Variants in RPL24 observed in about 807,000 individuals in gnomAD.
The protein encoded by RPL24 is ribosomal protein L24.
A neutral mutation model predicts 26.4 loss-of-function variants in RPL24; 7 were observed. That is an observed-to-expected ratio of 0.27 (90% CI 0.15 to 0.50). RPL24 has a LOEUF of 0.50. Among genes scored for constraint, RPL24 ranks in the 20% least tolerant of loss-of-function variants. RPL24 has a pLI of 0.98. For synonymous variants in RPL24, 67 were observed against 65.2 expected (o/e 1.03, Z -0.13); for missense variants, 109 against 194.9 (o/e 0.56, Z 2.62).
intron 3 of RPL24, among the ~76,000 whole-genome samples, chr3:101,684,890 T>TA (rs1937315986): frequency 6.6e-6 from 1 of 150,574 alleles, no homozygotes; most frequent in African/African-American, 2.4e-5. Flanking sequence ...TTTTTTTTTT[T>TA]AAAGGTCTCC....
intron 3 of RPL24, among the ~76,000 whole-genome samples, chr3:101,683,393 A>T (rs1937286192): frequency 6.6e-6 from 1 of 152,244 alleles, no homozygotes. Flanking sequence ...TGTTTATGAG[A>T]AAAAGATCTT....
intron 3 of RPL24, among the ~76,000 whole-genome samples, chr3:101,684,484 T>A (rs1937305105): frequency 1.3e-5 from 2 of 152,144 alleles, no homozygotes; most frequent in Non-Finnish European, 2.9e-5. Flanking sequence ...TTTAACTTTT[T>A]AAATTATAAT....
rs759028486 is a variant in RPL24 at position 101,686,718 on chromosome 3, G to A, written c.-42C>T. 4.5e-5 allele frequency: 72 copies of A among 1,613,110 alleles called. No homozygotes were observed. Among genetic ancestry groups the A allele is most frequent in the East Asian group, 2.9e-4 (13 of 44,534 alleles). On this transcript the variant is annotated 5_prime_UTR_variant, in exon 1 of 6. Coordinates refer to ENST00000394077, the MANE Select transcript of RPL24 (RefSeq NM_000986.4). Reference sequence around the variant, plus strand: ...AAAGACAAAAGATGGCGAAAAGAAAGAGAGAATCATGGGAAGAGACCTTAT... The same window carrying A: ...AAAGACAAAAGATGGCGAAAAGAAAAAGAGAATCATGGGAAGAGACCTTAT...
intron 5 of RPL24, 28 bp downstream of exon 5, chr3:101,682,401 C>A: frequency 6.3e-7 from 1 of 1,584,978 alleles, no homozygotes; most frequent in South Asian, 1.1e-5. Flanking sequence ...TTGTATTGTT[C>A]AAGAAAGTAA....
At chr3:101,681,399 A>T (rs1277348069) in intron 5 of RPL24, 184 bp from the exon 6 acceptor site, 3 of 593,390 alleles carry the variant, frequency 5.1e-6, no homozygotes, top group Non-Finnish European at 6.1e-6. Context: ...AATGAAAGAC[A>T]AAGACTAAGA....
At chr3:101,686,368 G>T in intron 2 of RPL24, 114 bp downstream of exon 2, 1 of 819,130 alleles carries the variant, frequency 1.2e-6, no homozygotes, top group Non-Finnish European at 1.9e-6. Context: ...GAGCGTCCAC[G>T]AAGACTTCCA....
At chr3:101,684,198 C>T (rs1298172790) in intron 3 of RPL24, among the ~76,000 whole-genome samples, 3 of 149,732 alleles carry the variant, frequency 2.0e-5, no homozygotes, top group South Asian at 4.2e-4. Context: ...GGAGCCTCAC[C>T]CTGTCACCCA....
rs771512177 is a variant in RPL24 at position 101,685,886 on chromosome 3, A to C, written c.124T>G (p.Ser42Ala). The C allele has an allele frequency of 9.0e-5, 145 of 1,614,062 alleles. 5 individuals are homozygous for C. In the Middle Eastern group the frequency reaches 0.011, roughly 127 times the overall value. ...TTTATCTGCCGAGGATTCCTCTTGGAAAGGAAAGCCGACTCGCATTTCGCA... is the reference window on the plus strand; with the variant it reads ...TTTATCTGCCGAGGATTCCTCTTGGCAAGGAAAGCCGACTCGCATTTCGCA... ...LNAKCESAFL[S>A]KRNPRQINWT... The change falls in exon 3 of 6, where the codon TCC becomes GCC. Residue 42 changes from serine to alanine, a missense_variant. By Grantham distance (99) the Ser-to-Ala change is moderately conservative. Coordinates refer to ENST00000394077, the MANE Select transcript of RPL24 (RefSeq NM_000986.4).
chr3:101,683,806 C>T (rs753833241), intron 3 of RPL24, among the ~76,000 whole-genome samples: 2 of 151,328 alleles, frequency 1.3e-5, no homozygotes, highest in Admixed American at 6.6e-5. Context: ...CCTCCACCTC[C>T]GGGGTTCAAG....
At chr3:101,682,317 G>C in intron 5 of RPL24, 112 bp downstream of exon 5, 2 of 845,712 alleles carry the variant, frequency 2.4e-6, no homozygotes, top group Middle Eastern at 3.4e-4. Flanking sequence ...AGTGAGCTGA[G>C]ATCAGATCAC....
rs919909386 is a variant in RPL24 at position 101,681,444 on chromosome 3, A to C, written c.394-229T>G. The stretch of plus-strand genomic sequence containing the variant: ...AGACTGGATGAAATGAGACACAACC[A>C]AGTGCAGTGTAGGATCCTGAAATGC... On this transcript the variant is annotated intron_variant, in intron 5 of 5. Coordinates refer to ENST00000394077, the MANE Select transcript of RPL24 (RefSeq NM_000986.4). The C allele has an allele frequency of 2.3e-5, 12 of 533,334 alleles. No homozygotes were observed. In the South Asian group the frequency reaches 2.3e-4, roughly 10 times the overall value. 33.0% of individuals were successfully genotyped at this position (533,334 alleles called of 1,614,324 possible).
intron 3 of RPL24, among the ~76,000 whole-genome samples, chr3:101,684,856 C>A (rs1937315336): frequency 7.3e-6 from 1 of 136,194 alleles, no homozygotes. Flanking sequence ...GTGTAGCTAT[C>A]ACCATTATCC....
In RPL24 at chr3:101,684,784, A is replaced by C. The variant is rs1350905030; in HGVS notation, c.192+1034T>G. On this transcript the variant is annotated intron_variant, in intron 3 of 5. Coordinates refer to ENST00000394077, the MANE Select transcript of RPL24 (RefSeq NM_000986.4). ...CAGAGGACCTGTCTCCCCAAAAAAAAAAAAAAAAAAAAAAAAAAAAAAAAA... is the reference window on the plus strand; with the variant it reads ...CAGAGGACCTGTCTCCCCAAAAAAACAAAAAAAAAAAAAAAAAAAAAAAAA... Among the ~76,000 whole-genome samples the C allele has an allele frequency of 6.5e-4, 21 of 32,550 alleles. 1 individual carries two copies. Among genetic ancestry groups the C allele is most frequent in the African/African-American group, 1.5e-3 (15 of 9,856 alleles). The allele number at this position is 32,550 out of a possible 152,430, so 21.4% of individuals were successfully genotyped here. A position where few individuals can be genotyped will look rare whatever the true frequency, so the allele number is the denominator to read the frequency against.
intron 2 of RPL24, 97 bp from the exon 3 acceptor site, chr3:101,686,025 G>A (rs999088465): frequency 2.3e-5 from 18 of 796,740 alleles, no homozygotes; most frequent in Middle Eastern, 2.3e-4. Flanking sequence ...TGCTAGTTCT[G>A]GCTTATCATT....
In RPL24 at chr3:101,685,297, A is replaced by G. The variant is rs555461050; in HGVS notation, c.192+521T>C. ...GCATTTATTTCTCACAATACCTAGA[A>G]AAGTCCTTCATCCAGAAGGTGTTCA... is the stretch of plus-strand genomic sequence containing the variant. On this transcript the variant is annotated intron_variant, in intron 3 of 5. Coordinates refer to ENST00000394077, the MANE Select transcript of RPL24 (RefSeq NM_000986.4). Among the ~76,000 whole-genome samples the G allele has an allele frequency of 1.1e-4, 17 of 152,310 alleles. 1 individual carries two copies. The East Asian group carries it at 2.7e-3, about 24-fold the overall frequency.
intron 3 of RPL24, among the ~76,000 whole-genome samples, chr3:101,684,332 A>AT (rs1186778075): frequency 2.7e-5 from 4 of 149,770 alleles, no homozygotes; most frequent in Admixed American, 1.3e-4. Flanking sequence ...TGTCCGGCTA[A>AT]TTTTTTTTTG....
Position 101,682,497 on chromosome 3 carries a change from G to A in RPL24, c.330-5C>T, listed in dbSNP as rs1444422025. 4 of 1,610,900 alleles carry A rather than the reference G, an allele frequency of 2.5e-6. No homozygotes were observed. Among genetic ancestry groups the A allele is most frequent in the Non-Finnish European group, 3.4e-6 (4 of 1,178,478 alleles). On this transcript the variant is annotated splice_polypyrimidine_tract_variant and splice_region_variant and intron_variant, in intron 4 of 5. Transcript: ENST00000394077. ...TTTTTTGCTTCCTTAGCAGCCCTGT[G>A]GGGTAAAAGTAACTTAAGGCAAAAG...
intron 5 of RPL24, 62 bp downstream of exon 5, chr3:101,682,367 T>C: frequency 7.4e-7 from 1 of 1,344,840 alleles, no homozygotes; most frequent in Non-Finnish European, 1.1e-6. Flanking sequence ...CAAGACTCCG[T>C]CTCAAAAAAA....
chr3:101,684,622 T>C (rs907386645), intron 3 of RPL24, among the ~76,000 whole-genome samples: 5 of 151,676 alleles, frequency 3.3e-5, no homozygotes, highest in African/African-American at 1.2e-4. Flanking sequence ...CTCCTCAAAA[T>C]ATATTTAAAA....
Sources: gnomAD v4.1 joint callset for allele counts (sites outside exome capture counted in the v4.1 genomes callset) on GRCh38, gnomAD v4.1.1 for gene constraint, MANE v1.5 for transcripts, NCBI Gene and HGNC (gene_info 2026-07-23, HGNC 2026-07-21) for gene names.